The following PCLO variants were observed in gnomAD, a reference collection of about 807,000 sequenced individuals.
The protein encoded by PCLO is piccolo presynaptic cytomatrix protein.
A neutral mutation model predicts 427.5 loss-of-function variants in PCLO; 82 were observed. The ratio of observed to expected loss-of-function variants is 0.19; its 90% CI spans 0.16 to 0.23. The LOEUF (loss-of-function observed/expected upper bound fraction) is 0.23. Among genes scored for constraint, PCLO ranks in the 10% least tolerant of loss-of-function variants. PCLO has a pLI of 1.00. For synonymous variants in PCLO, 2,357 were observed against 2,155.4 expected, an observed-to-expected ratio of 1.09 and a Z score of -2.59; for missense variants, 6,239 against 6,115.9, an observed-to-expected ratio of 1.02 and a Z score of -0.67.
At chr7:83,013,160 A>T (rs2116005131) in intron 3 of PCLO, among the ~76,000 whole-genome samples, 1 of 152,262 alleles carries the variant, frequency 6.6e-6, no homozygotes, top group South Asian at 2.1e-4. Flanking sequence ...TAAAAATAAA[A>T]ATCACATGTG....
At chr7:83,040,941 T>C (rs1017007352) in intron 3 of PCLO, among the ~76,000 whole-genome samples, 2 of 152,100 alleles carry the variant, frequency 1.3e-5, no homozygotes. Flanking sequence ...CAATTAAAAA[T>C]AAAAAATTTT....
chr7:83,072,083 C>T (rs10277626), intron 3 of PCLO, among the ~76,000 whole-genome samples: 35,925 of 151,786 alleles, frequency 0.24, 4,836 homozygotes, highest in East Asian at 0.56. Flanking sequence ...ATTGAAGAAA[C>T]ATTTTCTAAA....
At chr7:82,781,109 A>G (rs1396353640) in intron 22 of PCLO, among the ~76,000 whole-genome samples, 1 of 152,074 alleles carries the variant, frequency 6.6e-6, no homozygotes, top group Non-Finnish European at 1.5e-5. Flanking sequence ...AATTTTGAAA[A>G]TAAATAAATT....
At chr7:83,126,574 TA>T (rs573104979) in intron 3 of PCLO, among the ~76,000 whole-genome samples, 182 of 151,914 alleles carry the variant, frequency 1.2e-3, no homozygotes, top group Admixed American at 4.5e-3. Flanking sequence ...CTTGATTGCA[TA>T]AAAATAAAAA....
chr7:82,906,039 ATAGATAGATAGATAGG>A (rs889615952), intron 8 of PCLO, among the ~76,000 whole-genome samples: 5 of 150,088 alleles, frequency 3.3e-5, no homozygotes, highest in African/African-American at 1.3e-4. Flanking sequence ...AGATAGATAG[ATAGATAGATAGATAGG>A]TACACACACA....
At chr7:82,814,374 C>T (rs1584002676) in intron 20 of PCLO, among the ~76,000 whole-genome samples, 1 of 151,178 alleles carries the variant, frequency 6.6e-6, no homozygotes, top group South Asian at 2.1e-4. Context: ...TGGAAGAAGT[C>T]CTTGGTTATT....
In PCLO at chr7:82,947,926, G is replaced by T. The variant is rs550060920; in HGVS notation, c.11112+1550C>A. On this transcript the variant is annotated intron_variant, in intron 6 of 24. Transcript: ENST00000333891. ...TTTAGCTGAGCTCATTTGAATTAAG[G>T]GTACAGGGATACATATTATGTAAAT... Among the ~76,000 whole-genome samples the T allele has an allele frequency of 1.8e-4, 27 of 152,056 alleles. No homozygotes were observed. In the East Asian group the frequency reaches 5.0e-3, roughly 28 times the overall value.
chr7:83,079,450 A>G (rs1208348268), intron 3 of PCLO, among the ~76,000 whole-genome samples: 1 of 149,496 alleles, frequency 6.7e-6, no homozygotes, highest in Non-Finnish European at 1.5e-5. Flanking sequence ...GGGGAGGAGA[A>G]GGAAGAAGAA....
At chr7:82,873,288 C>T (rs765312476) in intron 10 of PCLO, among the ~76,000 whole-genome samples, 2 of 149,072 alleles carry the variant, frequency 1.3e-5, no homozygotes, top group African/African-American at 2.5e-5. Flanking sequence ...AAAGCTGAGA[C>T]ACTCCATCCC....
chr7:83,111,215 C>T lies in PCLO; in HGVS notation c.3300+23035G>A, dbSNP rs756135237. 2.0e-5 allele frequency among the ~76,000 whole-genome samples: 3 copies of T among 152,210 alleles called. No individual in the cohort carries two copies. The East Asian group carries it at 5.8e-4, about 29-fold the overall frequency. On this transcript the variant is annotated intron_variant, in intron 3 of 24. Transcript: ENST00000333891. ...TTTATTCAATTCAATCACTCAGTTA[C>T]TGTAGCAGGCAGAATTCTAAGACAT...
At chr7:82,801,944 T>C (rs997313920) in intron 21 of PCLO, among the ~76,000 whole-genome samples, 1 of 152,054 alleles carries the variant, frequency 6.6e-6, no homozygotes, top group Non-Finnish European at 1.5e-5. Context: ...AACTCAACAA[T>C]GAGAAGGGGC....
intron 20 of PCLO, chr7:82,821,681 G>A: frequency 1.0e-6 from 1 of 977,194 alleles, no homozygotes; most frequent in Non-Finnish European, 1.2e-6. Flanking sequence ...TTGACTTATA[G>A]CTACCAGACA....
chr7:83,027,639 C>A (rs1211207891), intron 3 of PCLO, among the ~76,000 whole-genome samples: 1 of 140,162 alleles, frequency 7.1e-6, no homozygotes, highest in Non-Finnish European at 1.6e-5. Flanking sequence ...CAAAGCCTGG[C>A]AGAGACACAA....
intron 22 of PCLO, among the ~76,000 whole-genome samples, chr7:82,766,524 A>G (rs1434266608): frequency 6.6e-6 from 1 of 152,076 alleles, no homozygotes; most frequent in Non-Finnish European, 1.5e-5. Context: ...GGAAGGAAAA[A>G]GAGGTTTCTA....
At chr7:82,981,544 C>T (rs949688202) in intron 3 of PCLO, among the ~76,000 whole-genome samples, 1 of 152,044 alleles carries the variant, frequency 6.6e-6, no homozygotes, top group Non-Finnish European at 1.5e-5. Context: ...TGGCAGATGT[C>T]TCTTTCTATA....
intron 3 of PCLO, among the ~76,000 whole-genome samples, chr7:83,074,320 A>G (rs1273654460): frequency 2.6e-5 from 4 of 152,188 alleles, no homozygotes; most frequent in African/African-American, 4.8e-5. Context: ...ATAGGTAAAA[A>G]CTGATCCTCT....
intron 3 of PCLO, among the ~76,000 whole-genome samples, chr7:83,072,829 T>A (rs957380567): frequency 2.0e-5 from 3 of 152,036 alleles, no homozygotes; most frequent in Admixed American, 6.6e-5. Flanking sequence ...TATGTAGCCA[T>A]TCTCTGCTTT....
At position 83,162,390 on chromosome 7, in the gene PCLO, T is replaced by A; in HGVS notation, c.203A>T (p.Lys68Met). The A allele has an allele frequency of 1.3e-6, 2 of 1,599,822 alleles. No individual in the cohort carries two copies. The highest frequency in any genetic ancestry group is 1.7e-6 in the Non-Finnish European group (2 of 1,173,072). Residue 68 changes from lysine to methionine, a missense_variant, in exon 1 of 25, where the codon AAG (lysine) becomes ATG (methionine). This residue lies in a region of PCLO where 4,677 missense variants were observed against 4,468.4 expected (regional missense o/e 1.05). Transcript: ENST00000333891. ...AVMSRAQGLPKGSVPPAAAES... is the reference protein window; with the variant it reads ...AVMSRAQGLPMGSVPPAAAES... ...CGCAGCGGCCGGGGGGACGCTTCCC[T>A]TGGGCAGCCCCTGCGCCCTTGACAT...
intron 10 of PCLO, among the ~76,000 whole-genome samples, chr7:82,859,097 C>T (rs957419036): frequency 4.6e-5 from 7 of 152,134 alleles, no homozygotes; most frequent in Non-Finnish European, 8.8e-5. Flanking sequence ...CAATAGAACA[C>T]CAGGTAGACT....
Sources: allele counts gnomAD v4.1 joint callset (sites outside exome capture counted in the v4.1 genomes callset), GRCh38; gene constraint gnomAD v4.1.1; regional missense constraint gnomAD v4.1.1; transcripts MANE v1.5; gene names NCBI Gene and HGNC (gene_info 2026-07-23, HGNC 2026-07-21).